Variants in DERL1 observed in about 807,000 individuals in gnomAD.
DERL1 encodes derlin-1.
In DERL1, 24 loss-of-function variants were observed where a neutral mutation model predicts 41.6. The observed-to-expected ratio is 0.58, with a 90% confidence interval of 0.42 to 0.81. The LOEUF (loss-of-function observed/expected upper bound fraction) is 0.81. Among genes scored for constraint, DERL1 ranks in the 30% least tolerant of loss-of-function variants. The probability of loss-of-function intolerance (pLI) is 0.00; values close to 1 mark genes in which losing one functional copy is unlikely to be tolerated. For missense variants in DERL1, 260 were observed against 314.3 expected (o/e 0.83, Z 1.31); for synonymous variants, 124 against 112.5 (o/e 1.10, Z -0.65).
chr8:123,039,312 C>A (rs1812995744), intron 1 of DERL1, among the ~76,000 whole-genome samples: 1 of 152,204 alleles, frequency 6.6e-6, no homozygotes, highest in African/African-American at 2.4e-5. Context: ...TCACAAGGCT[C>A]CAAAGACTTC....
At chr8:123,025,832 CAG>C (rs1424418121) in intron 2 of DERL1, 1 of 152,230 alleles carries the variant, frequency 6.6e-6, no homozygotes, top group African/African-American at 2.4e-5. Context: ...ACCAAAGTCA[CAG>C]AGCTTGTTAG....
At position 123,042,240 on chromosome 8, in the gene DERL1, A is replaced by T; in HGVS notation, c.-118T>A. 1 of 1,323,960 alleles carries T rather than the reference A, an allele frequency of 7.6e-7. No individual in the cohort carries two copies. The highest frequency in any genetic ancestry group is 9.9e-7 in the Non-Finnish European group (1 of 1,012,076). 82.0% of individuals were successfully genotyped at this position (1,323,960 alleles called of 1,614,324 possible). On this transcript the variant is annotated 5_prime_UTR_variant, in exon 1 of 8. Coordinates refer to ENST00000259512, the MANE Select transcript of DERL1 (RefSeq NM_024295.6). Reference sequence around the variant, plus strand: ...CTAGGTGGAAGCCGCCGAAGCCGCGATGCAGAAGGCGGAGACGGGCGGACG... The same window carrying T: ...CTAGGTGGAAGCCGCCGAAGCCGCGTTGCAGAAGGCGGAGACGGGCGGACG...
At chr8:123,041,903 C>A (rs909165677) in intron 1 of DERL1, 67 bp downstream of exon 1, 1 of 1,489,156 alleles carries the variant, frequency 6.7e-7, no homozygotes, top group East Asian at 2.5e-5. Context: ...ACATGCCAGC[C>A]TACGCTTAGC....
At chr8:123,018,365 T>C (rs1448610344) in intron 7 of DERL1, 1 of 152,170 alleles carries the variant, frequency 6.6e-6, no homozygotes, top group African/African-American at 2.4e-5. Context: ...GCGCGTCTCC[T>C]CTCAGATCGT....
At position 123,037,010 on chromosome 8, in the gene DERL1, G is replaced by A. The variant is rs968724671; in HGVS notation, c.153+4960C>T. On this transcript the variant is annotated intron_variant, in intron 1 of 7. Transcript: ENST00000259512. ...ACATCTTCCCATTTCAAGTCAGGAT[G>A]CTTTTAAGAAGACAAAGCAGAATAA... Among the ~76,000 whole-genome samples the A allele has an allele frequency of 2.0e-5, 3 of 152,168 alleles. No individual in the cohort carries two copies. The South Asian group carries it at 6.2e-4, about 31-fold the overall frequency.
intron 4 of DERL1, 60 bp downstream of exon 4, chr8:123,023,653 C>A: frequency 1.3e-6 from 2 of 1,554,428 alleles, no homozygotes; most frequent in Non-Finnish European, 8.8e-7. Context: ...TGACAAAGGC[C>A]ACTAATAGTA....
chr8:123,027,311 AAAAAAAAAT>A (rs1234952706), intron 2 of DERL1, among the ~76,000 whole-genome samples: 9 of 146,664 alleles, frequency 6.1e-5, no homozygotes, highest in South Asian at 2.2e-4. Flanking sequence ...AAAAAAAAAA[AAAAAAAAAT>A]TTAGTGGTCT....
intron 3 of DERL1, 69 bp downstream of exon 3, chr8:123,024,917 T>C (rs1812648662): frequency 1.3e-6 from 2 of 1,483,268 alleles, no homozygotes; most frequent in Non-Finnish European, 9.3e-7. Flanking sequence ...TTACAGAATA[T>C]GGTCTATTTC....
chr8:123,020,691 T>C (rs1237966718), intron 6 of DERL1, among the ~76,000 whole-genome samples: 7 of 148,912 alleles, frequency 4.7e-5, no homozygotes. Context: ...GGCTCATGCC[T>C]GAAATCCCAG....
chr8:123,020,549 T>A (rs1012968164), intron 6 of DERL1, among the ~76,000 whole-genome samples: 1 of 152,032 alleles, frequency 6.6e-6, no homozygotes, highest in Non-Finnish European at 1.5e-5. Context: ...AAGTTGCATC[T>A]TGGTATCCTC....
chr8:123,037,128 G>A (rs941769145), intron 1 of DERL1, among the ~76,000 whole-genome samples: 1 of 151,972 alleles, frequency 6.6e-6, no homozygotes, highest in African/African-American at 2.4e-5. Flanking sequence ...AGTATTGGCT[G>A]ATAAATAAAA....
intron 6 of DERL1, among the ~76,000 whole-genome samples, chr8:123,020,288 T>C (rs1036497802): frequency 3.9e-5 from 6 of 151,992 alleles, no homozygotes; most frequent in Non-Finnish European, 1.5e-5. Context: ...GAGACCAGCC[T>C]GGGCAACACA....
At chr8:123,035,235 C>T (rs1031702208) in intron 1 of DERL1, among the ~76,000 whole-genome samples, 1 of 152,150 alleles carries the variant, frequency 6.6e-6, no homozygotes, top group Non-Finnish European at 1.5e-5. Flanking sequence ...TTCATTAAGC[C>T]TACCCTTGAG....
At chr8:123,040,494 A>G (rs1424412330) in intron 1 of DERL1, among the ~76,000 whole-genome samples, 1 of 152,214 alleles carries the variant, frequency 6.6e-6, no homozygotes, top group Non-Finnish European at 1.5e-5. Flanking sequence ...GTTGGAGAGT[A>G]GTAGGAGATG....
At chr8:123,018,341 G>A (rs1297146853) in intron 7 of DERL1, 1 of 152,120 alleles carries the variant, frequency 6.6e-6, no homozygotes, top group African/African-American at 2.4e-5. Flanking sequence ...ACTATTACAT[G>A]CTTCTGGGTG....
At chr8:123,033,277 AT>A (rs1353624356) in intron 1 of DERL1, among the ~76,000 whole-genome samples, 16 of 152,196 alleles carry the variant, frequency 1.1e-4, no homozygotes, top group African/African-American at 3.4e-4. Context: ...TAGTCTCAAT[AT>A]TTTATTTTTC....
intron 6 of DERL1, 118 bp downstream of exon 6, chr8:123,021,329 G>A (rs994885637): frequency 2.3e-6 from 2 of 873,714 alleles, no homozygotes; most frequent in African/African-American, 1.7e-5. Context: ...ATAAATATAG[G>A]GTTCTAATGC....
intron 1 of DERL1, among the ~76,000 whole-genome samples, chr8:123,038,263 G>A (rs1172270373): frequency 6.6e-6 from 1 of 152,208 alleles, no homozygotes; most frequent in Non-Finnish European, 1.5e-5. Flanking sequence ...CTTTCTAGCA[G>A]AACTCTGCTA....
At chr8:123,037,280 T>C (rs964352007) in intron 1 of DERL1, among the ~76,000 whole-genome samples, 1 of 152,218 alleles carries the variant, frequency 6.6e-6, no homozygotes, top group Non-Finnish European at 1.5e-5. Context: ...GATAACATAT[T>C]TCCTCAATTT....
Sources: gnomAD v4.1 joint callset for allele counts (sites outside exome capture counted in the v4.1 genomes callset) on GRCh38, gnomAD v4.1.1 for gene constraint, MANE v1.5 for transcripts, NCBI Gene and HGNC (gene_info 2026-07-23, HGNC 2026-07-21) for gene names.